ENKUR: variants seen among roughly 807,000 people sequenced by gnomAD.
ENKUR encodes the protein enkurin.
In ENKUR, 19 loss-of-function variants were observed where a neutral mutation model predicts 27.6. The ratio of observed to expected loss-of-function variants is 0.69; its 90% confidence interval spans 0.48 to 1.01. ENKUR has a LOEUF of 1.01. Ranked by LOEUF, ENKUR falls within the 50% of genes least tolerant of loss-of-function variation. The pLI is 0.00. For missense variants in ENKUR, 312 were observed against 310.5 expected, an observed-to-expected ratio of 1.00 and a Z score of -0.04; for synonymous variants, 117 against 96.9, an observed-to-expected ratio of 1.21 and a Z score of -1.22.
intron 2 of ENKUR, among the ~76,000 whole-genome samples, chr10:25,027,668 C>T (rs1850883378): frequency 6.6e-6 from 1 of 151,952 alleles, no homozygotes; most frequent in South Asian, 2.1e-4. Context: ...GAGGGTGGAT[C>T]ACCTGAGGCC....
chr10:25,045,524 T>C (rs1441022227), intron 2 of ENKUR, among the ~76,000 whole-genome samples: 3 of 152,180 alleles, frequency 2.0e-5, no homozygotes, highest in Non-Finnish European at 4.4e-5. Flanking sequence ...CATAAAAATA[T>C]AAACATCTAA....
At position 25,052,547 on chromosome 10, in the gene ENKUR, G is replaced by A. The variant is rs952510724; in HGVS notation, c.37+8565C>T. Among the ~76,000 whole-genome samples, 13 of 152,208 alleles carry A rather than the reference G, an allele frequency of 8.5e-5. 1 individual carries two copies. The highest frequency in any genetic ancestry group is 3.1e-4 in the African/African-American group (13 of 41,538). Reference sequence around the variant, plus strand: ...AATCGCAGGCCAAGGTGGGAGAATCGCTTGAAGCCAGCAGTTTGAGACCAG... The same window carrying A: ...AATCGCAGGCCAAGGTGGGAGAATCACTTGAAGCCAGCAGTTTGAGACCAG... On this transcript the variant is annotated intron_variant, in intron 2 of 5. Coordinates refer to the ENKUR transcript ENST00000615958.
chr10:25,015,950 C>G lies in ENKUR; in HGVS notation c.-14G>C. The G allele has an allele frequency of 6.2e-7, 1 of 1,603,900 alleles. No individual in the cohort carries two copies. Among genetic ancestry groups the G allele is most frequent in the Non-Finnish European group, 8.5e-7 (1 of 1,174,920 alleles). ...CGTTGGATCCATGGCCACCAAATGA[C>G]TCCTTAAAAGCTACTCTCCACAACT... On this transcript the variant is annotated 5_prime_UTR_variant, in exon 1 of 6. Coordinates refer to ENST00000331161, the MANE Select transcript of ENKUR (RefSeq NM_145010.4).
At chr10:25,025,124 C>T (rs769509222) in intron 2 of ENKUR, 3 of 1,614,070 alleles carry the variant, frequency 1.9e-6, no homozygotes, top group Admixed American at 1.7e-5. Context: ...ACCTATAATA[C>T]TTCAGGGTAT....
chr10:25,046,117 C>A (rs1179472088), intron 2 of ENKUR, among the ~76,000 whole-genome samples: 1 of 152,104 alleles, frequency 6.6e-6, no homozygotes, highest in Non-Finnish European at 1.5e-5. Context: ...ATATATAGAG[C>A]AAAGCTTAGC....
At chr10:25,044,373 C>T (rs1043403187) in intron 2 of ENKUR, among the ~76,000 whole-genome samples, 1 of 151,988 alleles carries the variant, frequency 6.6e-6, no homozygotes, top group Non-Finnish European at 1.5e-5. Context: ...AAGCATGACC[C>T]TTCTTAGGGT....
chr10:25,006,174 C>G (rs1035286668), intron 1 of ENKUR, among the ~76,000 whole-genome samples: 3 of 151,902 alleles, frequency 2.0e-5, no homozygotes, highest in Non-Finnish European at 4.4e-5. Flanking sequence ...AGCTGCACAC[C>G]CAGAGCACAA....
chr10:25,060,414 C>T (rs1404711287), intron 2 of ENKUR, among the ~76,000 whole-genome samples: 1 of 152,144 alleles, frequency 6.6e-6, no homozygotes, highest in African/African-American at 2.4e-5. Context: ...CAGCAGAAAA[C>T]ACAGTTCTCA....
At chr10:25,025,602 C>A in intron 2 of ENKUR, 1 of 747,916 alleles carries the variant, frequency 1.3e-6, no homozygotes, top group Non-Finnish European at 2.2e-6. Flanking sequence ...CTAGGGCTGA[C>A]ATGAGAACTC....
intron 2 of ENKUR, among the ~76,000 whole-genome samples, chr10:25,039,483 G>A (rs894614589): frequency 2.6e-5 from 4 of 152,274 alleles, no homozygotes; most frequent in Admixed American, 6.5e-5. Flanking sequence ...TGGAGACTGA[G>A]CAGAGAGAAT....
At chr10:25,015,788 A>G in intron 1 of ENKUR, 72 bp downstream of exon 1, 2 of 1,330,934 alleles carry the variant, frequency 1.5e-6, no homozygotes, top group Non-Finnish European at 2.0e-6. Context: ...AAATTCCAGT[A>G]TATGTATGCT....
chr10:25,023,407 G>C (rs765226752), intron 2 of ENKUR: 15 of 1,613,990 alleles, frequency 9.3e-6, no homozygotes, highest in Non-Finnish European at 1.1e-5. Context: ...TATCCTGATG[G>C]GACCTCCTGG....
intron 2 of ENKUR, among the ~76,000 whole-genome samples, chr10:25,049,203 T>C (rs1046350006): frequency 8.5e-5 from 13 of 152,152 alleles, no homozygotes; most frequent in African/African-American, 3.1e-4. Flanking sequence ...TTGCACAAAG[T>C]AGGTGCTCAA....
At chr10:25,061,735 A>T (rs1055943065) in intron 1 of ENKUR, among the ~76,000 whole-genome samples, 3 of 152,148 alleles carry the variant, frequency 2.0e-5, no homozygotes, top group African/African-American at 7.2e-5. Flanking sequence ...GGTGACTTCC[A>T]GCAGCTGGAG....
intron 2 of ENKUR, among the ~76,000 whole-genome samples, chr10:25,038,249 C>A (rs1356485051): frequency 6.6e-6 from 1 of 152,026 alleles, no homozygotes; most frequent in Non-Finnish European, 1.5e-5. Flanking sequence ...GAAAAGTGAC[C>A]AAAGTCTGAT....
rs78579526 is a variant in ENKUR at position 25,025,668 on chromosome 10, G to A, written c.38-29799C>T. The A allele has an allele frequency of 1.3e-5, 7 of 533,852 alleles. 1 individual carries two copies. In the South Asian group the frequency reaches 1.7e-4, roughly 13 times the overall value. The allele number at this position is 533,852 out of a possible 1,614,324, so 33.1% of individuals were successfully genotyped here. On this transcript the variant is annotated intron_variant, in intron 2 of 5. Coordinates refer to the ENKUR transcript ENST00000615958. ...AGTGACAAAAGGTAACACAGTGCAC[G>A]GACCTTTGAGCTATCATACTTTTGC...
exon 2 of ENKUR, chr10:25,061,124 C>G: frequency 1.3e-6 from 2 of 1,536,092 alleles, no homozygotes; most frequent in Non-Finnish European, 1.7e-6. Context: ...GGGGAGCCAC[C>G]TCCAGTCACC....
At chr10:24,984,699 A>G (rs989387962) in intron 5 of ENKUR, 37 bp downstream of exon 5, 1 of 1,538,788 alleles carries the variant, frequency 6.5e-7, no homozygotes, top group East Asian at 2.3e-5. Context: ...TTTTTCCCCT[A>G]CATTGAAATT....
chr10:25,025,500 A>G, intron 2 of ENKUR: 1 of 1,525,206 alleles, frequency 6.6e-7, no homozygotes, highest in Non-Finnish European at 8.8e-7. Context: ...AGCATGCAAT[A>G]ATAAATCTCA....
Sources: gnomAD v4.1 joint callset for allele counts (sites outside exome capture counted in the v4.1 genomes callset) on GRCh38, gnomAD v4.1.1 for gene constraint, MANE v1.5 for transcripts, NCBI Gene and HGNC (gene_info 2026-07-23, HGNC 2026-07-21) for gene names.